The following BAZ2B variants were observed in gnomAD, a reference collection of about 807,000 sequenced individuals.
BAZ2B encodes the protein bromodomain adjacent to zinc finger domain protein 2B.
Under a neutral mutation model 246.0 loss-of-function variants are expected in BAZ2B, and 91 were observed. The observed-to-expected ratio is 0.37, with a 90% CI of 0.31 to 0.44. BAZ2B has a LOEUF of 0.44. BAZ2B is among the 20% of genes least tolerant of loss of function. The pLI is 1.00. For synonymous variants in BAZ2B, 855 were observed against 860.0 expected (o/e 0.99, Z 0.10); for missense variants, 2,332 against 2,533.7 (o/e 0.92, Z 1.71).
intron 2 of BAZ2B, among the ~76,000 whole-genome samples, chr2:159,525,945 GA>G (rs2084684286): frequency 6.6e-6 from 1 of 152,170 alleles, no homozygotes; most frequent in Non-Finnish European, 1.5e-5. Flanking sequence ...TAAGGAGGAT[GA>G]ATTGAAGCAG....
At chr2:159,518,909 T>C (rs536710178) in intron 2 of BAZ2B, among the ~76,000 whole-genome samples, 2 of 152,336 alleles carry the variant, frequency 1.3e-5, no homozygotes, top group East Asian at 3.9e-4. Context: ...CTCCAAAGCA[T>C]TCTCTAGGAC....
chr2:159,555,073 T>G (rs1431585110), intron 2 of BAZ2B, among the ~76,000 whole-genome samples: 2 of 140,160 alleles, frequency 1.4e-5, no homozygotes, highest in Admixed American at 7.0e-5. Flanking sequence ...GTGGGGGGTG[T>G]GTGTGTGTGT....
chr2:159,587,958 G>C (rs747771835), intron 1 of BAZ2B, among the ~76,000 whole-genome samples: 19 of 151,922 alleles, frequency 1.3e-4, no homozygotes, highest in Non-Finnish European at 1.8e-4. Flanking sequence ...TGGGAGGCCA[G>C]TGTGAGCGTA....
At chr2:159,348,298 T>C (rs2058177902) in intron 30 of BAZ2B, among the ~76,000 whole-genome samples, 1 of 121,670 alleles carries the variant, frequency 8.2e-6, no homozygotes, top group Non-Finnish European at 1.6e-5. Context: ...CCAGCCTAGG[T>C]GACACAGCAA....
At chr2:159,491,369 G>C (rs939322291) in intron 2 of BAZ2B, among the ~76,000 whole-genome samples, 3 of 152,050 alleles carry the variant, frequency 2.0e-5, no homozygotes, top group African/African-American at 7.3e-5. Flanking sequence ...CTAGAAAGGA[G>C]GTATATAATA....
At chr2:159,562,873 G>T (rs924756015) in intron 1 of BAZ2B, among the ~76,000 whole-genome samples, 3 of 151,972 alleles carry the variant, frequency 2.0e-5, no homozygotes, top group Non-Finnish European at 4.4e-5. Flanking sequence ...TCGCAAGATT[G>T]CTTTTTTTAA....
In BAZ2B at chr2:159,432,797, C is replaced by A. The variant is rs1176745644; in HGVS notation, c.1860G>T (p.Glu620Asp). The A allele has an allele frequency of 6.2e-7, 1 of 1,613,158 alleles. No homozygotes were observed. Among genetic ancestry groups the A allele is most frequent in the Non-Finnish European group, 8.5e-7 (1 of 1,179,348 alleles). ...DEEEDDEEED[E>D]EDDEDDESDD... The stretch of plus-strand genomic sequence containing the variant: ...CAGATTCATCATCTTCATCATCTTC[C>A]TCATCTTCTTCTTCATCATCTTCCT... The change falls in exon 9 of 37, where the codon GAG (glutamate) becomes GAT (aspartate). Residue 620 changes from glutamate to aspartate, a missense_variant. This residue lies in a region of BAZ2B where 651 missense variants were observed against 650.9 expected (regional missense o/e 1.00). Coordinates refer to ENST00000392783, the MANE Select transcript of BAZ2B (RefSeq NM_013450.4).
At chr2:159,506,668 C>T (rs1014774853) in intron 2 of BAZ2B, among the ~76,000 whole-genome samples, 1 of 152,120 alleles carries the variant, frequency 6.6e-6, no homozygotes, top group Admixed American at 6.6e-5. Flanking sequence ...AGAAAGCCTG[C>T]GTTTCAGAAA....
intron 25 of BAZ2B, among the ~76,000 whole-genome samples, chr2:159,377,812 C>CAAAAAAAAA (rs35570732): frequency 0.03 from 2,783 of 93,804 alleles, 36 homozygotes; most frequent in South Asian, 0.047. Context: ...ACTCTGTCTC[C>CAAAAAAAAA]AAAAAAAAAA....
chr2:159,412,000 T>C, intron 14 of BAZ2B: 2 of 983,854 alleles, frequency 2.0e-6, no homozygotes, highest in Non-Finnish European at 2.4e-6. Context: ...CGGGAGCTGT[T>C]AAAATGAGAA....
At chr2:159,712,082 A>C in the BAZ2B span, 1 of 123,306 alleles carries the variant, frequency 8.1e-6, no homozygotes, top group Non-Finnish European at 1.8e-5. Flanking sequence ...ACTTACCAAG[A>C]GCCAGAAAAA....
chr2:159,409,054 T>A (rs1403035102), intron 14 of BAZ2B, among the ~76,000 whole-genome samples: 1 of 152,078 alleles, frequency 6.6e-6, no homozygotes, highest in Admixed American at 6.5e-5. Context: ...TTTGTTTTTT[T>A]TTTGGTTGGT....
At chr2:159,565,029 A>G (rs1333109379) in intron 1 of BAZ2B, among the ~76,000 whole-genome samples, 1 of 151,992 alleles carries the variant, frequency 6.6e-6, no homozygotes, top group Non-Finnish European at 1.5e-5. Context: ...CGCCACCACA[A>G]TCAGCTAATT....
At chr2:159,702,412 A>G in the BAZ2B span, among the ~76,000 whole-genome samples, 1 of 152,282 alleles carries the variant, frequency 6.6e-6, no homozygotes, top group East Asian at 1.9e-4. Flanking sequence ...GACTTTATAA[A>G]GACAAATTTT....
intron 27 of BAZ2B, among the ~76,000 whole-genome samples, chr2:159,368,410 T>A (rs1336865136): frequency 2.0e-5 from 3 of 152,198 alleles, no homozygotes; most frequent in African/African-American, 4.8e-5. Flanking sequence ...AAATAAACAC[T>A]TGATGAATAA....
intron 2 of BAZ2B, among the ~76,000 whole-genome samples, chr2:159,488,670 T>C (rs757508622): frequency 2.0e-5 from 3 of 152,194 alleles, no homozygotes; most frequent in Non-Finnish European, 4.4e-5. Context: ...TTAAAAAATA[T>C]TACACAAAAA....
chr2:159,404,771 C>A (rs761019631), intron 16 of BAZ2B, 78 bp downstream of exon 16: 27 of 1,227,118 alleles, frequency 2.2e-5, no homozygotes, highest in South Asian at 1.9e-4. Flanking sequence ...TTTAAGAAAT[C>A]AAAAATAATG....
chr2:159,480,899 G>A (rs946411823), intron 2 of BAZ2B, among the ~76,000 whole-genome samples: 4 of 151,946 alleles, frequency 2.6e-5, no homozygotes, highest in African/African-American at 9.7e-5. Flanking sequence ...ATTTATACTA[G>A]GTATTTTTAG....
At chr2:159,557,156 TC>T (rs11309598) in intron 1 of BAZ2B, among the ~76,000 whole-genome samples, 6,284 of 147,662 alleles carry the variant, frequency 0.043, 450 homozygotes, top group African/African-American at 0.14. Context: ...TTTTTTTTTT[TC>T]CCTGCCTCAG....
Sources: gnomAD v4.1 joint callset for allele counts (sites outside exome capture counted in the v4.1 genomes callset) on GRCh38, gnomAD v4.1.1 for gene constraint, gnomAD v4.1.1 regional missense constraint, MANE v1.5 for transcripts, NCBI Gene and HGNC (gene_info 2026-07-23, HGNC 2026-07-21) for gene names.